CAPN3: variants seen among roughly 807,000 people sequenced by gnomAD.
CAPN3 encodes calpain-3.
In CAPN3, 88 loss-of-function variants were observed where a neutral mutation model predicts 114.0. The observed-to-expected ratio is 0.77, with a 90% confidence interval of 0.65 to 0.92. CAPN3 has a LOEUF of 0.92. Among genes scored for constraint, CAPN3 ranks in the 40% least tolerant of loss-of-function variants. The pLI, the probability that CAPN3 is intolerant of heterozygous loss-of-function variation, is 0.00. For missense variants in CAPN3, 1,028 were observed against 1,069.0 expected (o/e 0.96, Z 0.53); for synonymous variants, 386 against 382.9 (o/e 1.01, Z -0.09).
At chr15:42,395,600 G>A (rs370858240) in intron 8 of CAPN3, among the ~76,000 whole-genome samples, 2 of 152,202 alleles carry the variant, frequency 1.3e-5, no homozygotes, top group South Asian at 2.1e-4. Context: ...TGACTCCTCA[G>A]TTGTCTACTT....
chr15:42,396,899 AC>A, intron 9 of CAPN3, 22 bp downstream of exon 9: 1 of 1,574,500 alleles, frequency 6.4e-7, no homozygotes, highest in Non-Finnish European at 8.7e-7. Flanking sequence ...ACCCAGGAAG[AC>A]CCAGAAGGGT....
Position 42,408,214 on chromosome 15 carries a change from A to G in CAPN3, c.1804A>G (p.Ile602Val). 1.2e-6 allele frequency: 2 copies of G among 1,610,752 alleles called. No individual in the cohort carries two copies. Among genetic ancestry groups the G allele is most frequent in the Non-Finnish European group, 1.7e-6 (2 of 1,177,632 alleles). The change falls in exon 16 of 24, where the codon ATC (isoleucine) becomes GTC (valine). Residue 602 changes from isoleucine (I) to valine (V), a missense_variant. Coordinates refer to ENST00000397163, the MANE Select transcript of CAPN3 (RefSeq NM_000070.3). ...RPVKKKKTKP[I>V]IFVSDRANSN... ...GCCTCCTCCCTCCTCTCTCCAGCCC[A>G]TCATCTTCGTTTCGGACAGAGCAAA...
chr15:42,409,449 C>A, intron 17 of CAPN3, 69 bp downstream of exon 17: 2 of 1,383,260 alleles, frequency 1.4e-6, no homozygotes, highest in Non-Finnish European at 2.1e-6. Flanking sequence ...CTCAGATTAC[C>A]AATTATTTCA....
At chr15:42,401,425 G>C (rs1212155076) in intron 10 of CAPN3, among the ~76,000 whole-genome samples, 1 of 145,932 alleles carries the variant, frequency 6.9e-6, no homozygotes, top group Non-Finnish European at 1.5e-5. Context: ...AGAGAGGAAG[G>C]AAAAGCCACA....
intron 1 of CAPN3, among the ~76,000 whole-genome samples, chr15:42,374,830 T>A (rs1345315022): frequency 7.2e-6 from 1 of 138,718 alleles, no homozygotes; most frequent in East Asian, 2.1e-4. Context: ...AGAGAGAGAC[T>A]TGCTCTGTCA....
At position 42,387,894 on chromosome 15, in the gene CAPN3, A is replaced by G. The variant is rs2053447422; in HGVS notation, c.632+8A>G. ...GGAGAAGGCTTATGCTAAGTAAGCA[A>G]CACTTTAGAATGTGAGGTGGGGCTA... On this transcript the variant is annotated splice_region_variant and intron_variant, in intron 4 of 23. Transcript: ENST00000397163. 2 of 1,614,170 alleles carry G rather than the reference A, an allele frequency of 1.2e-6. No homozygotes were observed. Among genetic ancestry groups the G allele is most frequent in the Non-Finnish European group, 1.7e-6 (2 of 1,180,014 alleles).
chr15:42,371,289 A>G (rs970727549), intron 1 of CAPN3, among the ~76,000 whole-genome samples: 4 of 152,152 alleles, frequency 2.6e-5, no homozygotes, highest in African/African-American at 7.2e-5. Context: ...ATATTCTACA[A>G]GACAGCAGCT....
intron 1 of CAPN3, among the ~76,000 whole-genome samples, chr15:42,376,400 T>TTA (rs1487193442): frequency 6.6e-6 from 1 of 152,240 alleles, no homozygotes; most frequent in Non-Finnish European, 1.5e-5. Flanking sequence ...AGTCACTTGT[T>TTA]TATATCAATA....
At chr15:42,381,871 A>G (rs1157709496) in intron 1 of CAPN3, among the ~76,000 whole-genome samples, 1 of 152,190 alleles carries the variant, frequency 6.6e-6, no homozygotes, top group South Asian at 2.1e-4. Context: ...ATAACGAAAT[A>G]CTGACTACTT....
Position 42,362,897 on chromosome 15 carries a change from G to A in CAPN3, c.309+2783G>A, listed in dbSNP as rs1232757367. Among the ~76,000 whole-genome samples, 9 of 152,228 alleles carry A rather than the reference G, an allele frequency of 5.9e-5. 1 individual carries two copies. The highest frequency in any genetic ancestry group is 1.2e-4 in the Non-Finnish European group (8 of 68,048). ...CTGAAAAGACTGTGTCCTATCAGGAGAAGCACCACACAGGTGAGTAAAGGC... is the reference window on the plus strand; with the variant it reads ...CTGAAAAGACTGTGTCCTATCAGGAAAAGCACCACACAGGTGAGTAAAGGC... On this transcript the variant is annotated intron_variant, in intron 1 of 23. Transcript: ENST00000397163.
intron 1 of CAPN3, among the ~76,000 whole-genome samples, chr15:42,372,151 G>T (rs544177215): frequency 6.6e-6 from 1 of 151,224 alleles, no homozygotes; most frequent in African/African-American, 2.5e-5. Flanking sequence ...TTTTCTCAGT[G>T]ACATCTTTAA....
At chr15:42,380,567 G>T (rs750230679) in intron 1 of CAPN3, among the ~76,000 whole-genome samples, 64 of 146,776 alleles carry the variant, frequency 4.4e-4, no homozygotes, top group Non-Finnish European at 9.0e-4. Flanking sequence ...ATGTGTGTGT[G>T]GGTGTGTGTG....
At chr15:42,391,228 C>CTTTGT (rs927286328) in intron 6 of CAPN3, among the ~76,000 whole-genome samples, 1 of 151,902 alleles carries the variant, frequency 6.6e-6, no homozygotes, top group African/African-American at 2.4e-5. Flanking sequence ...TCTTTTTTTT[C>CTTTGT]TTTGTTTTGT....
chr15:42,370,708 T>C (rs2052921345), intron 1 of CAPN3, among the ~76,000 whole-genome samples: 1 of 152,020 alleles, frequency 6.6e-6, no homozygotes, highest in Non-Finnish European at 1.5e-5. Flanking sequence ...CATAAGTAAG[T>C]CACATTTTTT....
intron 1 of CAPN3, among the ~76,000 whole-genome samples, chr15:42,382,626 C>G (rs1012996369): frequency 6.6e-6 from 1 of 152,196 alleles, no homozygotes; most frequent in East Asian, 1.9e-4. Context: ...ACCTTGGCCT[C>G]TCAAAGTGCT....
Position 42,410,429 on chromosome 15 carries a change from C to G in CAPN3, c.2117C>G (p.Thr706Arg), listed in dbSNP as rs1335796666. ...GTAGCCCTGACCTCCCTCCTCCAGACAGATGGCTCTGGAAAGCTCAACCTG... is the reference window on the plus strand; with the variant it reads ...GTAGCCCTGACCTCCCTCCTCCAGAGAGATGGCTCTGGAAAGCTCAACCTG... ...SCRSMIALMD[T>R]DGSGKLNLQE... The change falls in exon 20 of 24, where the codon ACA (threonine) becomes AGA (arginine). Residue 706 changes from threonine (T) to arginine (R), a missense_variant and splice_region_variant. Thr to Arg is a moderately conservative substitution (Grantham distance 71). Transcript: ENST00000397163. The G allele has an allele frequency of 2.5e-6, 4 of 1,614,038 alleles. No individual in the cohort carries two copies. Among genetic ancestry groups the G allele is most frequent in the Non-Finnish European group, 2.5e-6 (3 of 1,179,946 alleles).
intron 15 of CAPN3, 76 bp downstream of exon 15, chr15:42,406,019 G>C: frequency 7.8e-7 from 1 of 1,287,124 alleles, no homozygotes; most frequent in Non-Finnish European, 1.1e-6. Context: ...GTGTGCATGT[G>C]TGAGCTCATA....
intron 6 of CAPN3, among the ~76,000 whole-genome samples, chr15:42,392,171 CAAAA>C (rs1051501250): frequency 6.6e-6 from 1 of 151,750 alleles, no homozygotes; most frequent in Non-Finnish European, 1.5e-5. Context: ...TCTCAAAAAA[CAAAA>C]AAGAAAGAAA....
rs1471996232 is a variant in CAPN3 at position 42,401,778 on chromosome 15, A to C, written c.1492A>C (p.Ser498Arg). ...GCGGAAGGACCGGAAGCTAGGGGCC[A>C]GTCTCTTCACCATTGGCTTCGCCAT... ...NRRKDRKLGA[S>R]LFTIGFAIYE... is the part of the protein sequence containing the mutation. The change falls in exon 11 of 24, where the codon AGT becomes CGT. Residue 498 changes from serine to arginine, a missense_variant. Ser to Arg is a moderately radical substitution (Grantham distance 110, BLOSUM62 -1). Transcript: ENST00000397163. The C allele has an allele frequency of 6.2e-7, 1 of 1,614,034 alleles. No individual in the cohort carries two copies. Among genetic ancestry groups the C allele is most frequent in the Non-Finnish European group, 8.5e-7 (1 of 1,179,960 alleles).
Sources: allele counts gnomAD v4.1 joint callset (sites outside exome capture counted in the v4.1 genomes callset), GRCh38; gene constraint gnomAD v4.1.1; transcripts MANE v1.5; gene names NCBI Gene and HGNC (gene_info 2026-07-23, HGNC 2026-07-21).